Variants in HIVEP2 observed in about 807,000 individuals in gnomAD.
HIVEP2 encodes transcription factor HIVEP2.
A neutral mutation model predicts 180.7 loss-of-function variants in HIVEP2; 14 were observed. The observed-to-expected ratio is 0.08, with a 90% CI of 0.05 to 0.12. The LOEUF is 0.12. HIVEP2 is among the 10% of genes least tolerant of loss of function. The probability of loss-of-function intolerance (pLI) is 1.00; values close to 1 mark genes in which losing one functional copy is unlikely to be tolerated. For missense variants in HIVEP2, 2,579 were observed against 3,008.5 expected (o/e 0.86, Z 3.34); for synonymous variants, 1,184 against 1,136.4 (o/e 1.04, Z -0.84).
chr6:142,835,291 C>T (rs113426029), intron 2 of HIVEP2, among the ~76,000 whole-genome samples: 1,763 of 152,276 alleles, frequency 0.012, 50 homozygotes, highest in African/African-American at 0.039. Flanking sequence ...GTGCAATACA[C>T]AAGGAGGCCA....
intron 1 of HIVEP2, among the ~76,000 whole-genome samples, chr6:142,873,690 G>T (rs1776356268): frequency 1.3e-5 from 2 of 152,032 alleles, no homozygotes; most frequent in Non-Finnish European, 2.9e-5. Flanking sequence ...TTCATATATT[G>T]CATGAAAAAA....
Position 142,770,124 on chromosome 6 carries a change from G to A in HIVEP2, c.4615C>T (p.Pro1539Ser). Reference protein sequence around the residue: ...VSPSSREPFLPSKEMLSGSRA... With the variant: ...VSPSSREPFLSSKEMLSGSRA... ...GAACCGGAAAGCATCTCCTTGCTGGGCAGGAATGGCTCCCTGGAAGACGGG... is the reference window on the plus strand; with the variant it reads ...GAACCGGAAAGCATCTCCTTGCTGGACAGGAATGGCTCCCTGGAAGACGGG... The change falls in exon 5 of 10, where the codon CCC (proline) becomes TCC (serine). Residue 1539 changes from proline (P) to serine (S), a missense_variant. Transcript: ENST00000367603. This position sits in a 1 kb window ranked among gnomAD's most constrained non-coding sequence, Gnocchi z 4.7. The A allele has an allele frequency of 6.2e-7, 1 of 1,614,248 alleles. No individual in the cohort carries two copies. Among genetic ancestry groups the A allele is most frequent in the Non-Finnish European group, 8.5e-7 (1 of 1,180,042 alleles).
intron 5 of HIVEP2, 98 bp downstream of exon 5, chr6:142,769,454 A>T: frequency 9.1e-7 from 1 of 1,096,184 alleles, no homozygotes; most frequent in Non-Finnish European, 1.3e-6. Context: ...CCTTCATTTT[A>T]CTTGTATTTT....
chr6:142,756,797 TTATCTATCTATC>T (rs10660970), intron 9 of HIVEP2, among the ~76,000 whole-genome samples: 8,129 of 150,004 alleles, frequency 0.054, 512 homozygotes, highest in South Asian at 0.2. Context: ...AAAAGATACC[TTATCTATCTATC>T]TATCTATCTA....
chr6:142,834,494 A>G (rs149270329), intron 2 of HIVEP2, among the ~76,000 whole-genome samples: 1 of 152,296 alleles, frequency 6.6e-6, no homozygotes, highest in African/African-American at 2.4e-5. Context: ...CATAATTCCT[A>G]AATAAATATA....
At chr6:142,777,504 C>T (rs986893714) in intron 3 of HIVEP2, among the ~76,000 whole-genome samples, 5 of 151,546 alleles carry the variant, frequency 3.3e-5, no homozygotes, top group Non-Finnish European at 7.4e-5. Context: ...AAAAATTAGC[C>T]AGGCGTGGTG....
At chr6:142,932,119 C>T (rs950297839) in intron 1 of HIVEP2, among the ~76,000 whole-genome samples, 2 of 152,072 alleles carry the variant, frequency 1.3e-5, no homozygotes, top group Admixed American at 6.6e-5. Flanking sequence ...TTTTAATTAC[C>T]GCTTCACTTA....
Position 142,771,527 on chromosome 6 carries a change from G to A in HIVEP2, c.3212C>T (p.Pro1071Leu), listed in dbSNP as rs1327649883. The change falls in exon 5 of 10, where the codon CCG becomes CTG. Residue 1071 changes from proline (P) to leucine (L), a missense_variant. By Grantham distance (98) the Pro-to-Leu change is moderately conservative (BLOSUM62 -3). Transcript: ENST00000367603. The surrounding 1 kb of genome is among the most constrained non-coding windows in gnomAD (Gnocchi z 5.4). ...VSGAAASTVS[P>L]SRERKKCFLV... is the part of the protein sequence containing the mutation. ...AAAGCATTTCTTCCTCTCCCTGGAC[G>A]GTGATACCGTGGAGGCTGCTGCTCC... is the stretch of plus-strand genomic sequence containing the variant. 2.9e-5 allele frequency: 47 copies of A among 1,613,738 alleles called. No individual in the cohort carries two copies. The highest frequency in any genetic ancestry group is 1.6e-4 in the Middle Eastern group (1 of 6,082).
chr6:142,792,235 G>A (rs184402317), intron 2 of HIVEP2, among the ~76,000 whole-genome samples: 198 of 152,064 alleles, frequency 1.3e-3, no homozygotes, highest in Middle Eastern at 3.4e-3. Context: ...CATCCCTTTC[G>A]GGCAAACTCT....
At chr6:142,923,556 A>G (rs1777731707) in intron 1 of HIVEP2, among the ~76,000 whole-genome samples, 1 of 152,210 alleles carries the variant, frequency 6.6e-6, no homozygotes, top group African/African-American at 2.4e-5. Flanking sequence ...TAATATTCCA[A>G]TTCAGCTGAT....
intron 1 of HIVEP2, among the ~76,000 whole-genome samples, chr6:142,883,012 A>G (rs1394677771): frequency 6.6e-6 from 1 of 152,130 alleles, no homozygotes; most frequent in African/African-American, 2.4e-5. Context: ...GTGTCTCCAT[A>G]GAAACCAAGT....
At chr6:142,928,378 T>A (rs1777863457) in intron 1 of HIVEP2, among the ~76,000 whole-genome samples, 1 of 152,250 alleles carries the variant, frequency 6.6e-6, no homozygotes, top group East Asian at 1.9e-4. Context: ...ATCATCTCGA[T>A]GTTTTCATGA....
intron 2 of HIVEP2, among the ~76,000 whole-genome samples, chr6:142,812,211 A>G (rs13212737): frequency 6.6e-6 from 1 of 152,210 alleles, no homozygotes; most frequent in South Asian, 2.1e-4. Flanking sequence ...GTGAATATTC[A>G]GTTGAGTACT....
At chr6:142,799,662 T>A (rs968796221) in intron 2 of HIVEP2, among the ~76,000 whole-genome samples, 1 of 152,192 alleles carries the variant, frequency 6.6e-6, no homozygotes. Flanking sequence ...CAAAACCTTA[T>A]TGAAGTCCCA....
intron 1 of HIVEP2, among the ~76,000 whole-genome samples, chr6:142,925,696 C>A (rs1582970675): frequency 6.6e-6 from 1 of 152,166 alleles, no homozygotes; most frequent in South Asian, 2.1e-4. Context: ...TAAATGAGAA[C>A]ATTTAGGCAA....
At chr6:142,872,370 GT>G (rs1776311138) in intron 1 of HIVEP2, among the ~76,000 whole-genome samples, 1 of 152,154 alleles carries the variant, frequency 6.6e-6, no homozygotes, top group Non-Finnish European at 1.5e-5. Flanking sequence ...TTCCTAAACA[GT>G]TATGTCCAAC....
chr6:142,774,748 C>A lies in HIVEP2; in HGVS notation c.-10G>T. On this transcript the variant is annotated 5_prime_UTR_variant, in exon 5 of 10. Coordinates refer to ENST00000367603, the MANE Select transcript of HIVEP2 (RefSeq NM_006734.4). This position sits in a 1 kb window ranked among gnomAD's most constrained non-coding sequence, Gnocchi z 5.1. ...TGTCCCCAGTGTCCATTTTGTTACACAAGGTCTTAAGTGCTAGTTCCCCTG... is the reference window on the plus strand; with the variant it reads ...TGTCCCCAGTGTCCATTTTGTTACAAAAGGTCTTAAGTGCTAGTTCCCCTG... The A allele has an allele frequency of 6.2e-7, 1 of 1,612,120 alleles. No homozygotes were observed. Among genetic ancestry groups the A allele is most frequent in the Non-Finnish European group, 8.5e-7 (1 of 1,178,916 alleles).
chr6:142,845,161 A>C, intron 1 of HIVEP2, among the ~76,000 whole-genome samples: 1 of 152,254 alleles, frequency 6.6e-6, no homozygotes. Context: ...GACATCATGA[A>C]ACTTAATACA....
chr6:142,769,463 T>A, intron 5 of HIVEP2, 89 bp downstream of exon 5: 1 of 1,181,972 alleles, frequency 8.5e-7, no homozygotes, highest in Non-Finnish European at 1.2e-6. Context: ...TACTTGTATT[T>A]TTTTTTTAGG....
Sources: gnomAD v4.1 joint callset for allele counts (sites outside exome capture counted in the v4.1 genomes callset) on GRCh38, gnomAD v4.1.1 for gene constraint, Gnocchi (gnomAD v3.1) non-coding constraint, MANE v1.5 for transcripts, NCBI Gene and HGNC (gene_info 2026-07-23, HGNC 2026-07-21) for gene names.